SFMBT1: variants seen among roughly 807,000 people sequenced by gnomAD.
The protein encoded by SFMBT1 is scm-like with four MBT domains protein 1.
Under a neutral mutation model 108.7 loss-of-function variants are expected in SFMBT1, and 32 were observed. That is an observed-to-expected ratio of 0.29 (90% CI 0.22 to 0.40). SFMBT1 has a LOEUF of 0.40. SFMBT1 is among the 10% of genes least tolerant of loss of function. SFMBT1 has a pLI of 1.00. For synonymous variants in SFMBT1, 348 were observed against 369.5 expected, an observed-to-expected ratio of 0.94 and a Z score of 0.67; for missense variants, 816 against 1,059.6, an observed-to-expected ratio of 0.77 and a Z score of 3.19.
intron 4 of SFMBT1, among the ~76,000 whole-genome samples, chr3:52,940,184 C>T (rs1029647061): frequency 6.6e-6 from 1 of 152,182 alleles, no homozygotes; most frequent in African/African-American, 2.4e-5. Context: ...CTAGAGCTCT[C>T]TCTTCTATTG....
chr3:53,043,155 T>C (rs564041485), intron 1 of SFMBT1: 38 of 152,310 alleles, frequency 2.5e-4, no homozygotes, highest in African/African-American at 8.4e-4. Context: ...CCCATCTCCT[T>C]TACAGTAGGA....
In SFMBT1 at chr3:52,912,596, C is replaced by T. The variant is rs759649800; in HGVS notation, c.1672G>A (p.Glu558Lys). The T allele has an allele frequency of 6.2e-7, 1 of 1,614,094 alleles. No homozygotes were observed. Among genetic ancestry groups the T allele is most frequent in the Non-Finnish European group, 8.5e-7 (1 of 1,179,984 alleles). ...AAYKPSRVLR[E>K]LQLDKDSVWH... ...ACAGAGTCTTTGTCCAGCTGGAGCTCCCGAAGGACACGGCTGGGTTTGTAG... is the reference window on the plus strand; with the variant it reads ...ACAGAGTCTTTGTCCAGCTGGAGCTTCCGAAGGACACGGCTGGGTTTGTAG... Residue 558 changes from glutamate to lysine, a missense_variant, in exon 16 of 21, where the codon GAG (glutamate) becomes AAG (lysine). Glu to Lys is a moderately conservative substitution (Grantham distance 56). Transcript: ENST00000394752.
chr3:52,963,939 C>T (rs1195007712), intron 2 of SFMBT1, among the ~76,000 whole-genome samples: 1 of 152,126 alleles, frequency 6.6e-6, no homozygotes, highest in African/African-American at 2.4e-5. Context: ...CATTAGCAAA[C>T]AAGACATTTC....
intron 1 of SFMBT1, among the ~76,000 whole-genome samples, chr3:53,039,152 G>C (rs964645793): frequency 2.6e-5 from 4 of 152,184 alleles, no homozygotes; most frequent in Non-Finnish European, 5.9e-5. Flanking sequence ...TAAGGACAAG[G>C]TACCTGGTTC....
chr3:52,925,859 T>C (rs546391032), intron 10 of SFMBT1, among the ~76,000 whole-genome samples, 172 bp downstream of exon 10: 1 of 152,254 alleles, frequency 6.6e-6, no homozygotes, highest in Non-Finnish European at 1.5e-5. Context: ...AACTAACTGA[T>C]TCACTTCTGC....
At chr3:52,937,641 G>C (rs912288162) in intron 4 of SFMBT1, among the ~76,000 whole-genome samples, 3 of 151,378 alleles carry the variant, frequency 2.0e-5, no homozygotes, top group Non-Finnish European at 4.4e-5. Flanking sequence ...GGAGTGCAGT[G>C]GCACGATCTC....
At chr3:53,030,642 T>A (rs1204730285) in intron 1 of SFMBT1, among the ~76,000 whole-genome samples, 2 of 128,046 alleles carry the variant, frequency 1.6e-5, no homozygotes, top group African/African-American at 5.8e-5. Flanking sequence ...CCTTTCACCC[T>A]CCTCCTTTAA....
At chr3:52,987,919 T>TG (rs1704985578) in intron 1 of SFMBT1, among the ~76,000 whole-genome samples, 2 of 152,168 alleles carry the variant, frequency 1.3e-5, no homozygotes, top group South Asian at 4.1e-4. Context: ...TTTAATGGAA[T>TG]GGAATAACAC....
intron 3 of SFMBT1, among the ~76,000 whole-genome samples, chr3:52,952,544 C>G (rs761863966): frequency 1.1e-4 from 17 of 152,064 alleles, no homozygotes; most frequent in Non-Finnish European, 2.4e-4. Context: ...AATGTATAAA[C>G]AACAGAAATT....
In SFMBT1 at chr3:53,041,607, A is replaced by G. The variant is rs145102859; in HGVS notation, c.-131+4209T>C. 1.9e-3 allele frequency among the ~76,000 whole-genome samples: 271 copies of G among 142,998 alleles called. 6 individuals carry two copies. In the East Asian group the frequency reaches 0.058, roughly 31 times the overall value. The allele number at this position is 142,998 out of a possible 152,430, so 93.8% of individuals were successfully genotyped here. ...CAGCTACTTGGGAGGCTGAGGCAGG[A>G]GAATTGCTTGAACCCAGGAGGCAGA... is the stretch of plus-strand genomic sequence containing the variant. On this transcript the variant is annotated intron_variant, in intron 1 of 20. Coordinates refer to ENST00000394752, the MANE Select transcript of SFMBT1 (RefSeq NM_016329.4).
At chr3:53,016,868 C>T (rs1699143476) in intron 1 of SFMBT1, among the ~76,000 whole-genome samples, 2 of 152,176 alleles carry the variant, frequency 1.3e-5, no homozygotes, top group Admixed American at 1.3e-4. Flanking sequence ...TCTGAAACCA[C>T]AAAGATCTTC....
chr3:52,948,825 A>ATTTTTTTTTTTTTTTTTTTTTTTTTTTTT (rs71615878), intron 3 of SFMBT1, among the ~76,000 whole-genome samples: 1 of 78,284 alleles, frequency 1.3e-5, no homozygotes, highest in African/African-American at 4.9e-5. Context: ...CTAATTTTTA[A>ATTTTTTTTTTTTTTTTTTTTTTTTTTTTT]TTTTTTTTTT....
chr3:53,043,862 T>C (rs1017114053), intron 1 of SFMBT1, among the ~76,000 whole-genome samples: 12 of 152,260 alleles, frequency 7.9e-5, no homozygotes, highest in African/African-American at 2.9e-4. Flanking sequence ...AGTTTGTTAG[T>C]ATTGCCCCTT....
At position 53,040,968 on chromosome 3, in the gene SFMBT1, A is replaced by ATTTTTTTTTTTTTTTTT. The variant is rs57640588; in HGVS notation, c.-131+4831_-131+4847dup. Among the ~76,000 whole-genome samples, 54 of 46,384 alleles carry ATTTTTTTTTTTTTTTTT rather than the reference A, an allele frequency of 1.2e-3. 3 individuals are homozygous for ATTTTTTTTTTTTTTTTT. The highest frequency in any genetic ancestry group is 1.6e-3 in the Non-Finnish European group (40 of 25,170). The allele number at this position is 46,384 out of a possible 152,430, so 30.4% of individuals were successfully genotyped here. A position where few individuals can be genotyped will look rare whatever the true frequency, so the allele number is the denominator to read the frequency against. ...TACAGGCATGCACCAAGACACCTGA[A>ATTTTTTTTTTTTTTTTT]TTTTTTTTTTTTTTTTTTTTTTTTT... is the stretch of plus-strand genomic sequence containing the variant. On this transcript the variant is annotated intron_variant, in intron 1 of 20. Transcript: ENST00000394752.
chr3:52,989,376 G>A (rs1705039011), intron 1 of SFMBT1, among the ~76,000 whole-genome samples: 1 of 149,150 alleles, frequency 6.7e-6, no homozygotes, highest in Non-Finnish European at 1.5e-5. Context: ...GCCAGAGCTT[G>A]CAGTGAGCTC....
chr3:52,974,217 T>A (rs542517966), intron 1 of SFMBT1, among the ~76,000 whole-genome samples: 12 of 152,204 alleles, frequency 7.9e-5, no homozygotes, highest in Non-Finnish European at 1.5e-4. Flanking sequence ...AAAATTCCTA[T>A]TGAAATGTTT....
At chr3:53,003,772 A>AAAG (rs758787877) in intron 1 of SFMBT1, among the ~76,000 whole-genome samples, 14,543 of 142,960 alleles carry the variant, frequency 0.1, 2,268 homozygotes, top group African/African-American at 0.3. Context: ...AAAAAAAAAA[A>AAAG]AAAGAAAAGA....
chr3:52,962,858 T>C (rs73087038), intron 2 of SFMBT1, among the ~76,000 whole-genome samples: 6,411 of 148,464 alleles, frequency 0.043, 193 homozygotes, highest in Non-Finnish European at 0.064. Flanking sequence ...GATATATGTA[T>C]ATACACTCAC....
chr3:52,957,316 TGAGA>T (rs1433179455), intron 2 of SFMBT1, among the ~76,000 whole-genome samples: 1 of 151,992 alleles, frequency 6.6e-6, no homozygotes, highest in African/African-American at 2.4e-5. Flanking sequence ...CTCGAGGAAA[TGAGA>T]GAGGACACAA....
Sources: allele counts gnomAD v4.1 joint callset (sites outside exome capture counted in the v4.1 genomes callset), GRCh38; gene constraint gnomAD v4.1.1; transcripts MANE v1.5; gene names NCBI Gene and HGNC (gene_info 2026-07-23, HGNC 2026-07-21).